The following ADAP1 variants were observed in gnomAD, a reference collection of about 807,000 sequenced individuals.
ADAP1 encodes arf-GAP with dual PH domain-containing protein 1.
A neutral mutation model predicts 54.9 loss-of-function variants in ADAP1; 31 were observed. The ratio of observed to expected loss-of-function variants is 0.56; its 90% confidence interval spans 0.42 to 0.76. The LOEUF (loss-of-function observed/expected upper bound fraction) is 0.76. ADAP1 is among the 30% of genes least tolerant of loss of function. The probability of loss-of-function intolerance (pLI) is 0.00; values close to 1 mark genes in which losing one functional copy is unlikely to be tolerated. For missense variants in ADAP1, 535 were observed against 512.4 expected, an observed-to-expected ratio of 1.04 and a Z score of -0.42; for synonymous variants, 313 against 202.6, an observed-to-expected ratio of 1.55 and a Z score of -4.63.
At chr7:900,202 G>T in intron 7 of ADAP1, 38 bp from the exon 8 acceptor site, 3 of 1,611,252 alleles carry the variant, frequency 1.9e-6, no homozygotes, top group Non-Finnish European at 2.5e-6. Context: ...CCTCAGAAGT[G>T]CAGCTCAGGC....
At chr7:905,921 AG>A (rs545666680) in intron 4 of ADAP1, among the ~76,000 whole-genome samples, 4 of 414 alleles carry the variant, frequency 9.7e-3, no homozygotes, top group Non-Finnish European at 0.027. Context: ...GAAAGGAGAA[AG>A]GGAGAAAGGA....
At chr7:928,366 C>CA (rs763078604) in intron 2 of ADAP1, among the ~76,000 whole-genome samples, 3 of 151,552 alleles carry the variant, frequency 2.0e-5, no homozygotes, top group Non-Finnish European at 1.5e-5. Context: ...CCTATCTCTG[C>CA]AAAAAAAGGA....
chr7:905,399 AGAAAGGAGAAAGGG>A, intron 4 of ADAP1: 1 of 180,746 alleles, frequency 5.5e-6, no homozygotes, highest in East Asian at 1.2e-4. Context: ...AGGAGAAAGG[AGAAAGGAGAAAGGG>A]AGAAAGAGAA....
intron 2 of ADAP1, chr7:927,051 C>A (rs1450100727): frequency 1.4e-5 from 18 of 1,277,500 alleles, no homozygotes; most frequent in Middle Eastern, 2.2e-4. Flanking sequence ...AGCTCCCCAG[C>A]TCACATTTAG....
intron 4 of ADAP1, among the ~76,000 whole-genome samples, chr7:913,196 TCC>T (rs1845792455): frequency 9.0e-6 from 1 of 110,884 alleles, no homozygotes; most frequent in South Asian, 2.9e-4. Context: ...CTCCTCCCCT[TCC>T]TTTTTTTTTT....
intron 6 of ADAP1, 174 bp from the exon 7 acceptor site, chr7:900,790 C>T: frequency 1.5e-6 from 1 of 655,348 alleles, no homozygotes. Context: ...TGTGCCCACG[C>T]TGAGGCCGGG....
chr7:914,128 G>T (rs1299387785), intron 4 of ADAP1, among the ~76,000 whole-genome samples: 1 of 152,208 alleles, frequency 6.6e-6, no homozygotes, highest in Non-Finnish European at 1.5e-5. Context: ...CAGGCTGTGG[G>T]CACTGGGCGT....
At position 899,049 on chromosome 7, in the gene ADAP1, C is replaced by A. The variant is rs756231804; in HGVS notation, c.1080G>T (p.Leu360=). The stretch of plus-strand genomic sequence containing the variant: ...CCCCCTCACCTGCGTACTCCTGGGG[C>A]AGCATGGGCCTGTCCACCGCCTTCT... The part of the protein sequence containing the change: ...AFQKAVDRPM[L]PQEYAVEAHF... Residue 360 remains leucine (L), a synonymous_variant, in exon 10 of 11, where the codon CTG becomes CTT. Transcript: ENST00000265846. 26 of 1,609,000 alleles carry A rather than the reference C, an allele frequency of 1.6e-5. No individual in the cohort carries two copies. In the East Asian group the frequency reaches 4.9e-4, roughly 30 times the overall value.
intron 1 of ADAP1, among the ~76,000 whole-genome samples, 168 bp from the exon 2 acceptor site, chr7:935,673 C>CCCG (rs1402726749): frequency 4.0e-5 from 2 of 50,102 alleles, no homozygotes; most frequent in East Asian, 1.5e-3. Flanking sequence ...ACCCCAGCTC[C>CCCG]CCCCCCGCCC....
Position 920,108 on chromosome 7 carries a change from G to T in ADAP1, c.306-58C>A. ...CAAGGCGGCCTCCGACCCAGCACAC[G>T]CCGCTCTCTGGCCCGGACCCTGGAC... On this transcript the variant is annotated intron_variant, in intron 3 of 10. Coordinates refer to ENST00000265846, the MANE Select transcript of ADAP1 (RefSeq NM_006869.4). The surrounding 1 kb of genome is among the most constrained non-coding windows in gnomAD (Gnocchi z 4.5). The T allele has an allele frequency of 1.3e-6, 2 of 1,513,300 alleles. No homozygotes were observed. The highest frequency in any genetic ancestry group is 1.8e-6 in the Non-Finnish European group (2 of 1,108,474). 93.7% of individuals were successfully genotyped at this position (1,513,300 alleles called of 1,614,324 possible).
chr7:937,088 G>C (rs1476324434), intron 1 of ADAP1, among the ~76,000 whole-genome samples: 2 of 114,548 alleles, frequency 1.7e-5, no homozygotes, highest in Admixed American at 1.7e-4. Context: ...GGGATTTGGG[G>C]GTCACGCCGG....
intron 4 of ADAP1, among the ~76,000 whole-genome samples, chr7:906,709 C>T (rs574162215): frequency 0.012 from 516 of 41,626 alleles, 48 homozygotes; most frequent in African/African-American, 0.039. Flanking sequence ...ACATGGGGGA[C>T]GGGACATCGG....
chr7:901,141 G>A (rs1844789997), intron 6 of ADAP1: 2 of 415,656 alleles, frequency 4.8e-6, no homozygotes, highest in African/African-American at 2.1e-5. Flanking sequence ...AGCCGCCCTG[G>A]TCCTCTGGAG....
At position 938,827 on chromosome 7, in the gene ADAP1, G is replaced by C. The variant is rs779931224; in HGVS notation, c.83-3322C>G. The stretch of plus-strand genomic sequence containing the variant: ...GTTCTGCTCCGACAGTGTGGACCAC[G>C]GACCCAGGCTTCCTGTCTCATGGCC... On this transcript the variant is annotated intron_variant, in intron 1 of 10. Coordinates refer to ENST00000265846, the MANE Select transcript of ADAP1 (RefSeq NM_006869.4). This position sits in a 1 kb window ranked among gnomAD's most constrained non-coding sequence, Gnocchi z 4.4. Among the ~76,000 whole-genome samples, 4 of 152,214 alleles carry C rather than the reference G, an allele frequency of 2.6e-5. No individual in the cohort carries two copies. The highest frequency in any genetic ancestry group is 2.6e-4 in the Admixed American group (4 of 15,284).
rs1202397337 is a variant in ADAP1, at chr7:945,024, A to C, written c.82+9372T>G. Among the ~76,000 whole-genome samples, 1 of 152,132 alleles carries C rather than the reference A, an allele frequency of 6.6e-6. No homozygotes were observed. The highest frequency in any genetic ancestry group is 2.4e-5 in the African/African-American group (1 of 41,432). ...GTGGCCTTCTGATTTGAGTATGCTG[A>C]AGCTCTGCAGGGTGGGCTCACGTGT... On this transcript the variant is annotated intron_variant, in intron 1 of 10. Transcript: ENST00000265846. The surrounding 1 kb of genome is among the most constrained non-coding windows in gnomAD (Gnocchi z 4.2).
intron 4 of ADAP1, among the ~76,000 whole-genome samples, chr7:905,810 AGGAGAAGGGAGAAGGGAGAAG>A (rs1174055534): frequency 3.0e-4 from 9 of 29,744 alleles, no homozygotes; most frequent in African/African-American, 9.8e-4. Context: ...GAAAGGAGAA[AGGAGAAGGGAGAAGGGAGAAG>A]GGAGAAGGGA....
chr7:904,113 C>A lies in ADAP1; in HGVS notation c.648+13G>T, dbSNP rs371597954. 6.2e-7 allele frequency: 1 copy of A among 1,611,632 alleles called. No homozygotes were observed. The highest frequency in any genetic ancestry group is 8.5e-7 in the Non-Finnish European group (1 of 1,179,626). On this transcript the variant is annotated intron_variant, in intron 6 of 10. Coordinates refer to ENST00000265846, the MANE Select transcript of ADAP1 (RefSeq NM_006869.4). ...CCTGTGCCACCCGGGCCCGAGTGCT[C>A]GCCAGCACCCACCTTCCCGTCCTCA...
chr7:915,796 C>T (rs912537595), intron 4 of ADAP1, among the ~76,000 whole-genome samples: 1 of 152,148 alleles, frequency 6.6e-6, no homozygotes, highest in African/African-American at 2.4e-5. Context: ...CCATATACCC[C>T]TGCAGAACCT....
intron 10 of ADAP1, 29 bp downstream of exon 10, chr7:898,997 AGCCCTTC>A: frequency 1.9e-6 from 3 of 1,609,898 alleles, no homozygotes; most frequent in Non-Finnish European, 2.5e-6. Flanking sequence ...GGGAGCTGGG[AGCCCTTC>A]CAGGCCGCCG....
Sources: allele counts gnomAD v4.1 joint callset (sites outside exome capture counted in the v4.1 genomes callset), GRCh38; gene constraint gnomAD v4.1.1; non-coding constraint Gnocchi (gnomAD v3.1); transcripts MANE v1.5; gene names NCBI Gene and HGNC (gene_info 2026-07-23, HGNC 2026-07-21).